The following FARS2 variants were observed in gnomAD, a reference collection of about 807,000 sequenced individuals.
The protein encoded by FARS2 is phenylalanyl-tRNA synthetase 2, mitochondrial.
FARS2 carries 40 observed loss-of-function variants against 46.4 expected under a neutral mutation model. The ratio of observed to expected loss-of-function variants is 0.86; its 90% confidence interval spans 0.67 to 1.12. The LOEUF is 1.12. FARS2 is among the 50% of genes most tolerant of loss of function. The probability of loss-of-function intolerance (pLI) is 0.00; values close to 1 mark genes in which losing one functional copy is unlikely to be tolerated. For missense variants in FARS2, 513 were observed against 567.9 expected, an observed-to-expected ratio of 0.90 and a Z score of 0.98; for synonymous variants, 234 against 214.9, an observed-to-expected ratio of 1.09 and a Z score of -0.78.
At chr6:5,421,984 A>C (rs1224989965) in intron 3 of FARS2, among the ~76,000 whole-genome samples, 2 of 152,142 alleles carry the variant, frequency 1.3e-5, no homozygotes, top group Non-Finnish European at 2.9e-5. Context: ...GCTGGCACCA[A>C]TTTACTGTAT....
At chr6:5,415,305 C>CTT (rs1242162979) in intron 3 of FARS2, among the ~76,000 whole-genome samples, 4 of 91,548 alleles carry the variant, frequency 4.4e-5, no homozygotes, top group African/African-American at 1.3e-4. Flanking sequence ...ATTTTCTTTT[C>CTT]TTTTCTTTTT....
rs1317906865 is a variant in FARS2 at position 5,717,910 on chromosome 6, A to C, written c.1218-53381A>C. On this transcript the variant is annotated intron_variant, in intron 6 of 6. Coordinates refer to ENST00000274680, the MANE Select transcript of FARS2 (RefSeq NM_006567.5). Reference sequence around the variant, plus strand: ...GCATGAAAATGAGAAGGTATCAGCTATATATATATATATATATATATATAT... The same window carrying C: ...GCATGAAAATGAGAAGGTATCAGCTCTATATATATATATATATATATATAT... Among the ~76,000 whole-genome samples the C allele has an allele frequency of 9.2e-5, 6 of 65,348 alleles. No individual in the cohort carries two copies. In the East Asian group the frequency reaches 7.0e-3, roughly 77 times the overall value. The allele number at this position is 65,348 out of a possible 152,430, so 42.9% of individuals were successfully genotyped here. A position where few individuals can be genotyped will look rare whatever the true frequency, so the allele number is the denominator to read the frequency against.
At chr6:5,705,791 C>T (rs1483325803) in intron 6 of FARS2, among the ~76,000 whole-genome samples, 1 of 152,186 alleles carries the variant, frequency 6.6e-6, no homozygotes, top group Non-Finnish European at 1.5e-5. Flanking sequence ...TCCCCATTCT[C>T]CACTTTTTGA....
intron 1 of FARS2, among the ~76,000 whole-genome samples, chr6:5,270,650 T>TAGAG (rs146588767): frequency 5.5e-3 from 831 of 152,352 alleles, no homozygotes; most frequent in Non-Finnish European, 7.8e-3. Flanking sequence ...GTCACCACAC[T>TAGAG]ATAGACAGTA....
intron 4 of FARS2, among the ~76,000 whole-genome samples, chr6:5,464,676 C>G (rs1411835604): frequency 2.6e-5 from 4 of 152,132 alleles, no homozygotes; most frequent in African/African-American, 9.7e-5. Context: ...GGACCACATA[C>G]AGTATTTTCC....
intron 6 of FARS2, among the ~76,000 whole-genome samples, chr6:5,743,558 C>T (rs961923067): frequency 6.6e-6 from 1 of 152,232 alleles, no homozygotes; most frequent in African/African-American, 2.4e-5. Context: ...ATGAAAGTTT[C>T]ATGCTAGCAT....
At position 5,657,288 on chromosome 6, in the gene FARS2, C is replaced by G. The variant is rs1983562; in HGVS notation, c.1217+43968C>G. On this transcript the variant is annotated intron_variant, in intron 6 of 6. Transcript: ENST00000274680. ...TCCTTGTATCTTTCAAGCTGGAAGC[C>G]TTTATCTAAACGAGGGCCTGTGAGT... 4.4e-3 allele frequency among the ~76,000 whole-genome samples: 670 copies of G among 152,240 alleles called. 9 individuals are homozygous for G. Among genetic ancestry groups the G allele is most frequent in the African/African-American group, 0.015 (638 of 41,542 alleles).
intron 6 of FARS2, among the ~76,000 whole-genome samples, chr6:5,616,104 T>G (rs1320934717): frequency 6.6e-6 from 1 of 152,016 alleles, no homozygotes; most frequent in Non-Finnish European, 1.5e-5. Flanking sequence ...CTCTGTGTGT[T>G]TCTTCTCTTC....
chr6:5,266,521 G>GAAAA (rs913409828), intron 1 of FARS2, among the ~76,000 whole-genome samples: 1 of 150,258 alleles, frequency 6.7e-6, no homozygotes, highest in Non-Finnish European at 1.5e-5. Context: ...ATAAAAAAAA[G>GAAAA]AAAAAAAAAT....
At chr6:5,437,540 A>G (rs1763595052) in intron 4 of FARS2, among the ~76,000 whole-genome samples, 2 of 152,100 alleles carry the variant, frequency 1.3e-5, no homozygotes, top group Admixed American at 6.5e-5. Flanking sequence ...TTAGGTGCAT[A>G]TATTTTCATA....
intron 6 of FARS2, among the ~76,000 whole-genome samples, chr6:5,730,193 C>G (rs139901318): frequency 1.4e-5 from 2 of 147,892 alleles, no homozygotes; most frequent in African/African-American, 5.0e-5. Flanking sequence ...TGTAGCTGAG[C>G]TGCCCAATAT....
At chr6:5,571,031 T>C (rs1272140981) in intron 5 of FARS2, among the ~76,000 whole-genome samples, 1 of 152,262 alleles carries the variant, frequency 6.6e-6, no homozygotes, top group East Asian at 1.9e-4. Flanking sequence ...TTCAAATTTT[T>C]CGTGAAGACT....
At chr6:5,709,730 T>TGG (rs1554128003) in intron 6 of FARS2, among the ~76,000 whole-genome samples, 3 of 96,658 alleles carry the variant, frequency 3.1e-5, no homozygotes, top group Admixed American at 1.0e-4. Flanking sequence ...GGGGGTGGGG[T>TGG]TGTGTGTGTG....
At chr6:5,767,380 T>C (rs1046716433) in intron 6 of FARS2, among the ~76,000 whole-genome samples, 5 of 152,198 alleles carry the variant, frequency 3.3e-5, no homozygotes, top group Non-Finnish European at 5.9e-5. Flanking sequence ...TTAGTGGACA[T>C]TTTCATCTTT....
chr6:5,387,027 G>T (rs1433462633), intron 2 of FARS2, among the ~76,000 whole-genome samples: 1 of 152,188 alleles, frequency 6.6e-6, no homozygotes, highest in Admixed American at 6.5e-5. Context: ...ACAGTGGAAG[G>T]AAGGGAAGCG....
chr6:5,509,378 G>A (rs568225434), intron 4 of FARS2, among the ~76,000 whole-genome samples: 19 of 152,312 alleles, frequency 1.2e-4, no homozygotes, highest in East Asian at 9.6e-4. Flanking sequence ...CGGCCCCTCC[G>A]TCTGGTGAAT....
At chr6:5,510,013 G>A (rs1485477856) in intron 4 of FARS2, among the ~76,000 whole-genome samples, 1 of 152,178 alleles carries the variant, frequency 6.6e-6, no homozygotes, top group Non-Finnish European at 1.5e-5. Flanking sequence ...AGGCCCGCCA[G>A]TGTTGGGCTG....
chr6:5,690,867 T>A lies in FARS2; in HGVS notation c.1217+77547T>A, dbSNP rs578100600. 1.4e-4 allele frequency among the ~76,000 whole-genome samples: 22 copies of A among 152,370 alleles called. No individual in the cohort carries two copies. In the East Asian group the frequency reaches 2.1e-3, roughly 15 times the overall value. On this transcript the variant is annotated intron_variant, in intron 6 of 6. Transcript: ENST00000274680. Reference sequence around the variant, plus strand: ...ACATAGATTTGGTCTTTTCACATAGTCCCATATTTCTTGGAGGCCTTGTTC... The same window carrying A: ...ACATAGATTTGGTCTTTTCACATAGACCCATATTTCTTGGAGGCCTTGTTC...
chr6:5,276,905 G>A (rs1766376246), intron 1 of FARS2, among the ~76,000 whole-genome samples: 1 of 152,184 alleles, frequency 6.6e-6, no homozygotes, highest in South Asian at 2.1e-4. Flanking sequence ...CAGCACAGGA[G>A]GAACAAACAC....
Sources: gnomAD v4.1 joint callset for allele counts (sites outside exome capture counted in the v4.1 genomes callset) on GRCh38, gnomAD v4.1.1 for gene constraint, MANE v1.5 for transcripts, NCBI Gene and HGNC (gene_info 2026-07-23, HGNC 2026-07-21) for gene names.